Variants in NDUFAF7 observed in about 807,000 individuals in gnomAD.
The protein encoded by NDUFAF7 is NADH:ubiquinone oxidoreductase complex assembly factor 7.
In NDUFAF7, 48 loss-of-function variants were observed where a neutral mutation model predicts 47.2. The observed-to-expected ratio is 1.02, with a 90% CI of 0.81 to 1.29. The LOEUF (loss-of-function observed/expected upper bound fraction) is 1.29, where lower values mean the gene tolerates loss of function less well. Ranked by LOEUF, NDUFAF7 falls within the 50% of genes most tolerant of loss-of-function variation. The pLI is 0.00. For synonymous variants in NDUFAF7, 217 were observed against 190.0 expected (o/e 1.14, Z -1.17); for missense variants, 635 against 537.6 (o/e 1.18, Z -1.79).
At chr2:37,231,831 T>C in intron 1 of NDUFAF7, 71 bp downstream of exon 1, 1 of 1,606,006 alleles carries the variant, frequency 6.2e-7, no homozygotes. Flanking sequence ...GCTCTTCAGT[T>C]GAGGGTACCG....
downstream of NDUFAF7, chr2:37,252,990 AC>A (rs199814421): frequency 0.027 from 12,717 of 474,898 alleles, 238 homozygotes; most frequent in Middle Eastern, 0.04. Context: ...TTCCATTATG[AC>A]TTCTTATTAT....
At chr2:37,269,289 T>G in the NDUFAF7 span, 1 of 287,410 alleles carries the variant, frequency 3.5e-6, no homozygotes, top group Non-Finnish European at 6.9e-6. Flanking sequence ...GGGAATATAC[T>G]TCAATGAATA....
At chr2:37,245,445 T>C (rs1384505045) in intron 7 of NDUFAF7, among the ~76,000 whole-genome samples, 1 of 152,242 alleles carries the variant, frequency 6.6e-6, no homozygotes, top group African/African-American at 2.4e-5. Flanking sequence ...TACACACTTA[T>C]TGTGGCCCCT....
the NDUFAF7 span, chr2:37,260,273 T>C: frequency 6.2e-7 from 1 of 1,611,822 alleles, no homozygotes; most frequent in Admixed American, 1.7e-5. Context: ...CTTTTCTCAC[T>C]GGATAGAATC....
downstream of NDUFAF7, chr2:37,251,616 CT>C (rs919742276): frequency 1.4e-3 from 206 of 143,876 alleles, no homozygotes; most frequent in Admixed American, 1.5e-3. Context: ...CCAGAACATT[CT>C]TTTTTTTTTT....
downstream of NDUFAF7, chr2:37,254,286 A>G (rs1365545889): frequency 5.6e-6 from 9 of 1,611,958 alleles, no homozygotes; most frequent in East Asian, 2.2e-5. Flanking sequence ...TATCAGATCA[A>G]TTGCTAAGGG....
At chr2:37,260,622 C>CA in the NDUFAF7 span, among the ~76,000 whole-genome samples, 19 of 152,290 alleles carry the variant, frequency 1.2e-4, no homozygotes, top group African/African-American at 4.1e-4. Flanking sequence ...ATTATATAAT[C>CA]ACTCTTGTCC....
chr2:37,254,853 T>C (rs966903006), downstream of NDUFAF7, among the ~76,000 whole-genome samples: 10 of 152,222 alleles, frequency 6.6e-5, no homozygotes, highest in African/African-American at 2.2e-4. Context: ...GTTTACACTT[T>C]TAACAAATAG....
chr2:37,254,181 A>G, downstream of NDUFAF7: 1 of 1,559,144 alleles, frequency 6.4e-7, no homozygotes, highest in Non-Finnish European at 8.8e-7. Context: ...GGATTGCCAA[A>G]GAGAGATTAC....
At chr2:37,246,360 T>G (rs1463145142) in intron 8 of NDUFAF7, among the ~76,000 whole-genome samples, 165 bp downstream of exon 8, 1 of 152,220 alleles carries the variant, frequency 6.6e-6, no homozygotes, top group Non-Finnish European at 1.5e-5. Context: ...TTCTTACTGC[T>G]AACACTGAGT....
chr2:37,249,514 T>G (rs1572578735), downstream of NDUFAF7, among the ~76,000 whole-genome samples: 2 of 147,962 alleles, frequency 1.4e-5, no homozygotes, highest in Admixed American at 6.8e-5. Context: ...GAGGCGGAGG[T>G]TGCAGTGAGG....
At chr2:37,253,400 T>C (rs1667669974), downstream of NDUFAF7, 4 of 1,493,586 alleles carry the variant, frequency 2.7e-6, no homozygotes, top group East Asian at 9.2e-5. Flanking sequence ...CAAAATACTG[T>C]CAACCTGGTT....
chr2:37,258,348 G>A (rs552143102), downstream of NDUFAF7, among the ~76,000 whole-genome samples: 1 of 152,160 alleles, frequency 6.6e-6, no homozygotes, highest in Non-Finnish European at 1.5e-5. Context: ...TGAGCCTGAA[G>A]AAATACAAAC....
intron 6 of NDUFAF7, among the ~76,000 whole-genome samples, chr2:37,243,439 G>A (rs978588362): frequency 1.3e-5 from 2 of 152,102 alleles, no homozygotes; most frequent in East Asian, 1.9e-4. Flanking sequence ...GCAACAAAGC[G>A]AGAGCTTGTC....
downstream of NDUFAF7, among the ~76,000 whole-genome samples, chr2:37,257,589 C>T (rs141057601): frequency 2.0e-3 from 297 of 145,328 alleles, 3 homozygotes; most frequent in African/African-American, 7.3e-3. Context: ...TGGCGTGAAC[C>T]CAGGAGGCAG....
Position 37,232,211 on chromosome 2 carries a change from C to T in NDUFAF7, c.161C>T (p.Thr54Ile). ...LRHLMYKIKS[T>I]GPITVAEYMK... The stretch of plus-strand genomic sequence containing the variant: ...CATCTTATGTACAAAATAAAGTCTA[C>T]TGGTCCCATCACTGTGGCCGAGTAC... Residue 54 changes from threonine (T) to isoleucine (I), a missense_variant, in exon 2 of 10, where the codon ACT becomes ATT. By Grantham distance (89) the Thr-to-Ile change is moderately conservative. Transcript: ENST00000002125. 6.2e-7 allele frequency: 1 copy of T among 1,613,972 alleles called. No individual in the cohort carries two copies. The highest frequency in any genetic ancestry group is 1.7e-4 in the Middle Eastern group (1 of 5,852).
At chr2:37,231,787 G>A (rs1400947515) in intron 1 of NDUFAF7, 27 bp downstream of exon 1, 1 of 1,613,976 alleles carries the variant, frequency 6.2e-7, no homozygotes, top group East Asian at 2.2e-5. Context: ...TCGAAGCCCG[G>A]TTGCCGTGGA....
the NDUFAF7 span, among the ~76,000 whole-genome samples, chr2:37,271,001 G>C: frequency 4.6e-5 from 7 of 152,070 alleles, no homozygotes; most frequent in Admixed American, 2.0e-4. Context: ...AGAATATGCT[G>C]TCTATTCTAC....
At chr2:37,250,156 AG>A (rs1667364602), downstream of NDUFAF7, among the ~76,000 whole-genome samples, 1 of 151,918 alleles carries the variant, frequency 6.6e-6, no homozygotes, top group Admixed American at 6.6e-5. Context: ...ACTAAAGTAA[AG>A]GAAGACGGAG....
Sources: gnomAD v4.1 joint callset for allele counts (sites outside exome capture counted in the v4.1 genomes callset) on GRCh38, gnomAD v4.1.1 for gene constraint, MANE v1.5 for transcripts, NCBI Gene and HGNC (gene_info 2026-07-23, HGNC 2026-07-21) for gene names.